Variants in HDAC9 observed in about 807,000 individuals in gnomAD.
HDAC9 encodes MEF-2 interacting transcription repressor (MITR) protein.
Under a neutral mutation model 139.4 loss-of-function variants are expected in HDAC9, and 41 were observed. The ratio of observed to expected loss-of-function variants is 0.29; its 90% CI spans 0.23 to 0.38. The LOEUF is 0.38. Among genes scored for constraint, HDAC9 ranks in the 10% least tolerant of loss-of-function variants. HDAC9 has a pLI of 1.00. For missense variants in HDAC9, 1,147 were observed against 1,297.0 expected (o/e 0.88, Z 1.78); for synonymous variants, 517 against 476.2 (o/e 1.09, Z -1.12).
At chr7:18,775,914 T>C (rs987146253) in intron 16 of HDAC9, among the ~76,000 whole-genome samples, 7 of 152,050 alleles carry the variant, frequency 4.6e-5, no homozygotes, top group African/African-American at 1.7e-4. Flanking sequence ...CTCAGCTTTC[T>C]TTGATGGGGG....
intron 23 of HDAC9, among the ~76,000 whole-genome samples, chr7:18,944,696 A>G (rs1197190161): frequency 1.3e-5 from 2 of 152,092 alleles, no homozygotes; most frequent in South Asian, 2.1e-4. Context: ...AAGCCCCCAC[A>G]TTCCTTTTCT....
intron 6 of HDAC9, among the ~76,000 whole-genome samples, chr7:18,625,037 T>C (rs1841284831): frequency 6.6e-6 from 1 of 152,080 alleles, no homozygotes; most frequent in Non-Finnish European, 1.5e-5. Context: ...TTTCAAAACC[T>C]TATGTCCTCA....
rs146856263 is a variant in HDAC9 at position 18,692,190 on chromosome 7, G to A, written c.1731+25714G>A. 4.5e-3 allele frequency among the ~76,000 whole-genome samples: 687 copies of A among 152,172 alleles called. 2 individuals are homozygous for A. The highest frequency in any genetic ancestry group is 0.016 in the African/African-American group (659 of 41,554). ...ATACTCAGAAGGAAAAAGCCTGGAT[G>A]ACTTAAGAGAAAACTTTCCAAATTG... On this transcript the variant is annotated intron_variant, in intron 12 of 25. Transcript: ENST00000686413.
At chr7:18,685,214 C>T (rs1468983441) in intron 12 of HDAC9, among the ~76,000 whole-genome samples, 1 of 152,004 alleles carries the variant, frequency 6.6e-6, no homozygotes, top group Non-Finnish European at 1.5e-5. Flanking sequence ...TGCTGGAAAG[C>T]TCATAAAATG....
chr7:18,223,391 ATTTT>A (rs199647771), intron 2 of HDAC9, among the ~76,000 whole-genome samples: 3 of 138,584 alleles, frequency 2.2e-5, no homozygotes, highest in Admixed American at 7.2e-5. Context: ...ACCCCGGTCA[ATTTT>A]TTTTTTTTTT....
chr7:18,529,036 C>A (rs2128231113), intron 2 of HDAC9, among the ~76,000 whole-genome samples: 1 of 152,192 alleles, frequency 6.6e-6, no homozygotes, highest in African/African-American at 2.4e-5. Flanking sequence ...TCTCTTTATT[C>A]CCAAACATTT....
At chr7:18,758,379 T>G (rs939045696) in intron 14 of HDAC9, among the ~76,000 whole-genome samples, 5 of 152,206 alleles carry the variant, frequency 3.3e-5, no homozygotes, top group African/African-American at 1.2e-4. Context: ...TTTAGCCTAT[T>G]TTTTGACTCT....
chr7:18,235,316 C>A (rs1793743693), intron 2 of HDAC9, among the ~76,000 whole-genome samples: 1 of 151,974 alleles, frequency 6.6e-6, no homozygotes, highest in African/African-American at 2.4e-5. Flanking sequence ...CCGAGAGACC[C>A]AGTATGTCTT....
At chr7:18,882,182 TAGG>T (rs1183704765) in intron 22 of HDAC9, among the ~76,000 whole-genome samples, 3 of 152,092 alleles carry the variant, frequency 2.0e-5, no homozygotes, top group Non-Finnish European at 2.9e-5. Context: ...TTTCTTGAAA[TAGG>T]AGTTCATAAT....
rs536736198 is a variant in HDAC9, at chr7:18,328,762, A to G, written c.-42+38247A>G. Reference sequence around the variant, plus strand: ...AGGAATATTGGCCTGTAGTTTATTTATTTATTATTCTTGTAGTGTCCTTGT... The same window carrying G: ...AGGAATATTGGCCTGTAGTTTATTTGTTTATTATTCTTGTAGTGTCCTTGT... On this transcript the variant is annotated intron_variant, in intron 1 of 3. Coordinates refer to the HDAC9 transcript ENST00000413509. 2.6e-5 allele frequency among the ~76,000 whole-genome samples: 4 copies of G among 151,778 alleles called. No homozygotes were observed. In the East Asian group the frequency reaches 7.8e-4, roughly 30 times the overall value.
At chr7:18,677,774 T>A (rs1274961653) in intron 12 of HDAC9, among the ~76,000 whole-genome samples, 1 of 151,952 alleles carries the variant, frequency 6.6e-6, no homozygotes, top group East Asian at 1.9e-4. Flanking sequence ...ATATGTATGT[T>A]ACAAATAATT....
intron 2 of HDAC9, among the ~76,000 whole-genome samples, chr7:18,224,539 A>C (rs1179542906): frequency 2.6e-5 from 4 of 152,234 alleles, no homozygotes; most frequent in South Asian, 4.1e-4. Flanking sequence ...CTGCCCTGCC[A>C]CCCAGCGTGG....
intron 1 of HDAC9, among the ~76,000 whole-genome samples, chr7:18,462,046 A>G (rs2704287): frequency 0.04 from 6,094 of 152,174 alleles, 165 homozygotes; most frequent in Non-Finnish European, 0.058. Flanking sequence ...TCTTGTTATC[A>G]TGTAATACTA....
intron 2 of HDAC9, among the ~76,000 whole-genome samples, chr7:18,232,573 C>G (rs761248334): frequency 2.8e-4 from 42 of 152,330 alleles, no homozygotes; most frequent in Non-Finnish European, 5.3e-4. Flanking sequence ...TTATCCCCCA[C>G]TAGGTTTCAA....
chr7:18,685,876 A>G (rs1379833937), intron 12 of HDAC9, among the ~76,000 whole-genome samples: 1 of 152,012 alleles, frequency 6.6e-6, no homozygotes, highest in African/African-American at 2.4e-5. Flanking sequence ...GAATGGCAAA[A>G]TTTTATTGTT....
At chr7:18,619,276 G>A (rs1465438408) in intron 6 of HDAC9, among the ~76,000 whole-genome samples, 1 of 152,072 alleles carries the variant, frequency 6.6e-6, no homozygotes, top group Non-Finnish European at 1.5e-5. Context: ...AGAAATTAGG[G>A]TAGTTGAGGT....
intron 22 of HDAC9, among the ~76,000 whole-genome samples, chr7:18,901,185 C>G (rs915216032): frequency 6.7e-6 from 1 of 149,274 alleles, no homozygotes; most frequent in African/African-American, 2.5e-5. Context: ...CTCTTTCTCT[C>G]TCTGTATATA....
intron 2 of HDAC9, among the ~76,000 whole-genome samples, chr7:18,570,722 TCCATA>T (rs1824005880): frequency 6.6e-6 from 1 of 152,166 alleles, no homozygotes; most frequent in Non-Finnish European, 1.5e-5. Flanking sequence ...GCACGTCTAC[TCCATA>T]GGTTACTAGA....
intron 1 of HDAC9, among the ~76,000 whole-genome samples, chr7:18,326,707 A>C (rs1489981657): frequency 6.6e-6 from 1 of 152,022 alleles, no homozygotes; most frequent in East Asian, 1.9e-4. Flanking sequence ...GTGCTAGCTA[A>C]GACTTGTTTA....
Sources: allele counts gnomAD v4.1 joint callset (sites outside exome capture counted in the v4.1 genomes callset), GRCh38; gene constraint gnomAD v4.1.1; transcripts MANE v1.5; gene names NCBI Gene and HGNC (gene_info 2026-07-23, HGNC 2026-07-21).